Variants in CD37 observed in about 807,000 individuals in gnomAD.
The protein encoded by CD37 is leukocyte antigen CD37.
CD37 carries 37 observed loss-of-function variants against 38.9 expected under a neutral mutation model. That is an observed-to-expected ratio of 0.95 (90% CI 0.73 to 1.25). The LOEUF is 1.25. Ranked by LOEUF, CD37 falls within the 50% of genes most tolerant of loss-of-function variation. The probability of loss-of-function intolerance (pLI) is 0.00; values close to 1 mark genes in which losing one functional copy is unlikely to be tolerated. For missense variants in CD37, 351 were observed against 360.1 expected, an observed-to-expected ratio of 0.97 and a Z score of 0.20; for synonymous variants, 146 against 150.1, an observed-to-expected ratio of 0.97 and a Z score of 0.20.
In CD37 at chr19:49,338,141, C is replaced by T; in HGVS notation, c.447+112C>T. 3 of 1,480,644 alleles carry T rather than the reference C, an allele frequency of 2.0e-6. No homozygotes were observed. The highest frequency in any genetic ancestry group is 1.8e-6 in the Non-Finnish European group (2 of 1,115,544). 91.7% of individuals were successfully genotyped at this position (1,480,644 alleles called of 1,614,324 possible). ...CCCCAGCTCTACGATCCTAACACACCCCAATCCCTCCCAGGCCCGACGCTC... is the reference window on the plus strand; with the variant it reads ...CCCCAGCTCTACGATCCTAACACACTCCAATCCCTCCCAGGCCCGACGCTC... On this transcript the variant is annotated intron_variant, in intron 5 of 7. Coordinates refer to ENST00000323906, the MANE Select transcript of CD37 (RefSeq NM_001774.3). The surrounding 1 kb of genome is among the most constrained non-coding windows in gnomAD (Gnocchi z 5.0).
In CD37 at chr19:49,335,548, C is replaced by T. The variant is rs1033444393; in HGVS notation, c.8C>T (p.Ala3Val). Reference sequence around the variant, plus strand: ...TTACCCCACTAGGTGAAGATGTCAGCCCAGGAGAGCTGCCTCAGCCTCATC... The same window carrying T: ...TTACCCCACTAGGTGAAGATGTCAGTCCAGGAGAGCTGCCTCAGCCTCATC... MSAQESCLSLIKY... is the reference protein window; with the variant it reads MSVQESCLSLIKY... The change falls in exon 1 of 8, where the codon GCC becomes GTC. Residue 3 changes from alanine to valine, a missense_variant. Coordinates refer to ENST00000323906, the MANE Select transcript of CD37 (RefSeq NM_001774.3). The surrounding 1 kb of genome is among the most constrained non-coding windows in gnomAD (Gnocchi z 4.6). The T allele has an allele frequency of 6.8e-6, 11 of 1,613,614 alleles. No homozygotes were observed. The highest frequency in any genetic ancestry group is 9.3e-6 in the Non-Finnish European group (11 of 1,179,570).
chr19:49,335,713 G>C lies in CD37; in HGVS notation c.70-1G>C, dbSNP rs1393121341. On this transcript the variant is annotated splice_acceptor_variant, in intron 1 of 7. Transcript: ENST00000323906. LOFTEE classifies it high-confidence loss of function. This position sits in a 1 kb window ranked among gnomAD's most constrained non-coding sequence, Gnocchi z 4.6. The stretch of plus-strand genomic sequence containing the variant: ...CCCGTATCCGCATCTCCTCTCCCCA[G>C]GTCCTCGGCAGCCTGATCTTCTGCT... The C allele has an allele frequency of 6.2e-7, 1 of 1,613,914 alleles. No homozygotes were observed. The highest frequency in any genetic ancestry group is 2.2e-5 in the East Asian group (1 of 44,878).
In CD37 at chr19:49,338,823, A is replaced by C; in HGVS notation, c.571A>C (p.Thr191Pro). Reference sequence around the variant, plus strand: ...CAACTTGTCGGCGACCAACGACTCCACAATCCTAGATAAGGTGATCTTGCC... The same window carrying C: ...CAACTTGTCGGCGACCAACGACTCCCCAATCCTAGATAAGGTGATCTTGCC... ...CYNLSATNDSTILDKVILPQL... is the reference protein window; with the variant it reads ...CYNLSATNDSPILDKVILPQL... Residue 191 changes from threonine (T) to proline (P), a missense_variant, in exon 6 of 8, where the codon ACA (threonine) becomes CCA (proline). Physicochemically the swap from Thr to Pro is conservative, Grantham distance 38. Coordinates refer to ENST00000323906, the MANE Select transcript of CD37 (RefSeq NM_001774.3). This position sits in a 1 kb window ranked among gnomAD's most constrained non-coding sequence, Gnocchi z 5.0. 6.2e-7 allele frequency: 1 copy of C among 1,614,050 alleles called. No homozygotes were observed. Among genetic ancestry groups the C allele is most frequent in the Non-Finnish European group, 8.5e-7 (1 of 1,180,022 alleles).
At position 49,338,603 on chromosome 19, in the gene CD37, G is replaced by A. The variant is rs1971048354; in HGVS notation, c.448-97G>A. On this transcript the variant is annotated intron_variant, in intron 5 of 7. Transcript: ENST00000323906. The surrounding 1 kb of genome is among the most constrained non-coding windows in gnomAD (Gnocchi z 5.0). ...CTCCACACCCACCACTTAGTCCCCT[G>A]CTCCCCGACCTGACCTCATACCCAT... is the stretch of plus-strand genomic sequence containing the variant. 2.3e-6 allele frequency: 2 copies of A among 870,320 alleles called. No individual in the cohort carries two copies. Among genetic ancestry groups the A allele is most frequent in the East Asian group, 4.9e-5 (2 of 40,990 alleles). The allele number at this position is 870,320 out of a possible 1,614,324, so 53.9% of individuals were successfully genotyped here. A position where few individuals can be genotyped will look rare whatever the true frequency, so the allele number is the denominator to read the frequency against.
chr19:49,339,382 T>C lies in CD37; in HGVS notation c.737T>C (p.Val246Ala). 2 of 1,614,014 alleles carry C rather than the reference T, an allele frequency of 1.2e-6. No individual in the cohort carries two copies. Among genetic ancestry groups the C allele is most frequent in the East Asian group, 2.2e-5 (1 of 44,868 alleles). ...KWLHNNLISI[V>A]GICLGVGLLE... ...CTGCACAACAACCTTATTTCCATAG[T>C]GGGCATTTGCCTGGGCGTCGGCCTA... The change falls in exon 7 of 8, where the codon GTG becomes GCG. Residue 246 changes from valine (V) to alanine (A), a missense_variant. Val to Ala is a moderately conservative substitution (Grantham distance 64). Coordinates refer to ENST00000323906, the MANE Select transcript of CD37 (RefSeq NM_001774.3). This position sits in a 1 kb window ranked among gnomAD's most constrained non-coding sequence, Gnocchi z 4.5.
chr19:49,337,968 A>G lies in CD37; in HGVS notation c.386A>G (p.Lys129Arg), dbSNP rs1182650717. The G allele has an allele frequency of 1.2e-6, 2 of 1,613,976 alleles. No homozygotes were observed. Among genetic ancestry groups the G allele is most frequent in the Non-Finnish European group, 1.7e-6 (2 of 1,179,998 alleles). The change falls in exon 5 of 8, where the codon AAG (lysine) becomes AGG (arginine). Residue 129 changes from lysine (K) to arginine (R), a missense_variant. Coordinates refer to ENST00000323906, the MANE Select transcript of CD37 (RefSeq NM_001774.3). ...LRDVVEKTIQ[K>R]YGTNPEETAA... ...GACGTCGTAGAGAAAACCATCCAAAAGTACGGCACCAACCCCGAGGAGACC... is the reference window on the plus strand; with the variant it reads ...GACGTCGTAGAGAAAACCATCCAAAGGTACGGCACCAACCCCGAGGAGACC...
chr19:49,340,331 C>T lies in CD37; in HGVS notation c.*3C>T, dbSNP rs1971182055. 6.2e-7 allele frequency: 1 copy of T among 1,606,442 alleles called. No individual in the cohort carries two copies. The highest frequency in any genetic ancestry group is 8.5e-7 in the Non-Finnish European group (1 of 1,173,556). ...ACCGGCTCGCTCGATACCGTTAGGC[C>T]CCGCCCTCCCCAAAGTCCCGCCCCG... On this transcript the variant is annotated 3_prime_UTR_variant, in exon 8 of 8. Transcript: ENST00000323906.
rs1971092049 is a variant in CD37 at position 49,339,217 on chromosome 19, C to T, written c.685-113C>T. The T allele has an allele frequency of 2.1e-6, 2 of 940,220 alleles. No individual in the cohort carries two copies. Among genetic ancestry groups the T allele is most frequent in the Non-Finnish European group, 3.3e-6 (2 of 598,384 alleles). The allele number at this position is 940,220 out of a possible 1,614,324, so 58.2% of individuals were successfully genotyped here. ...TAAGGAGACTAGAGTGCCCTGGTGA[C>T]TAGGGGAGCGGGTAGATGCCTGAAG... On this transcript the variant is annotated intron_variant, in intron 6 of 7. Coordinates refer to ENST00000323906, the MANE Select transcript of CD37 (RefSeq NM_001774.3). This position sits in a 1 kb window ranked among gnomAD's most constrained non-coding sequence, Gnocchi z 4.5.
chr19:49,338,038 C>T lies in CD37; in HGVS notation c.447+9C>T. 6.2e-7 allele frequency: 1 copy of T among 1,613,316 alleles called. No individual in the cohort carries two copies. Among genetic ancestry groups the T allele is most frequent in the Non-Finnish European group, 8.5e-7 (1 of 1,179,688 alleles). On this transcript the variant is annotated intron_variant, in intron 5 of 7. Transcript: ENST00000323906. The surrounding 1 kb of genome is among the most constrained non-coding windows in gnomAD (Gnocchi z 5.0). The stretch of plus-strand genomic sequence containing the variant: ...ACTATGTGCAGTTCCAGGTAAGCCC[C>T]CCTCCTCCAGTTCCCTCCCGGACTG...
rs1040580045 is a variant in CD37 at position 49,339,555 on chromosome 19, G to A, written c.768+142G>A. 3.4e-6 allele frequency: 5 copies of A among 1,463,668 alleles called. No individual in the cohort carries two copies. Among genetic ancestry groups the A allele is most frequent in the Non-Finnish European group, 3.6e-6 (4 of 1,100,792 alleles). The allele number at this position is 1,463,668 out of a possible 1,614,324, so 90.7% of individuals were successfully genotyped here. A position where few individuals can be genotyped will look rare whatever the true frequency, so the allele number is the denominator to read the frequency against. ...CCCGGCCCTCCCGCCGCTCCACCCAGCACCGGAGGGTGGGGGCGGCCCAGC... is the reference window on the plus strand; with the variant it reads ...CCCGGCCCTCCCGCCGCTCCACCCAACACCGGAGGGTGGGGGCGGCCCAGC... On this transcript the variant is annotated intron_variant, in intron 7 of 7. Coordinates refer to ENST00000323906, the MANE Select transcript of CD37 (RefSeq NM_001774.3). The surrounding 1 kb of genome is among the most constrained non-coding windows in gnomAD (Gnocchi z 4.5).
At position 49,338,748 on chromosome 19, in the gene CD37, A is replaced by C. The variant is rs1222367490; in HGVS notation, c.496A>C (p.Ile166Leu). The part of the protein sequence containing the change: ...HYPQDWFQVL[I>L]LRGNGSEAHR... ...CCCGCAGGACTGGTTCCAAGTCCTC[A>C]TCCTGAGAGGTAACGGGTCGGAGGC... The change falls in exon 6 of 8, where the codon ATC becomes CTC. Residue 166 changes from isoleucine to leucine, a missense_variant. Coordinates refer to ENST00000323906, the MANE Select transcript of CD37 (RefSeq NM_001774.3). The surrounding 1 kb of genome is among the most constrained non-coding windows in gnomAD (Gnocchi z 5.0). 1 of 1,613,284 alleles carries C rather than the reference A, an allele frequency of 6.2e-7. No homozygotes were observed. Among genetic ancestry groups the C allele is most frequent in the Non-Finnish European group, 8.5e-7 (1 of 1,180,020 alleles).
At position 49,340,309 on chromosome 19, in the gene CD37, G is replaced by C; in HGVS notation, c.827G>C (p.Arg276Pro). Residue 276 changes from arginine (R) to proline (P), a missense_variant, in exon 8 of 8, where the codon CGG becomes CCG. Coordinates refer to ENST00000323906, the MANE Select transcript of CD37 (RefSeq NM_001774.3). ...LCRNLDHVYN[R>P]LARYR The stretch of plus-strand genomic sequence containing the variant: ...AGAAACCTGGACCACGTCTACAACC[G>C]GCTCGCTCGATACCGTTAGGCCCCG... 2 of 1,613,490 alleles carry C rather than the reference G, an allele frequency of 1.2e-6. No individual in the cohort carries two copies. Among genetic ancestry groups the C allele is most frequent in the Admixed American group, 3.3e-5 (2 of 60,010 alleles).
chr19:49,336,971 A>G lies in CD37; in HGVS notation c.205A>G (p.Met69Val). 1.9e-6 allele frequency: 3 copies of G among 1,614,150 alleles called. No homozygotes were observed. Among genetic ancestry groups the G allele is most frequent in the Non-Finnish European group, 2.5e-6 (3 of 1,179,996 alleles). Residue 69 changes from methionine (M) to valine (V), a missense_variant, in exon 3 of 8, where the codon ATG becomes GTG. Met to Val is a conservative substitution (Grantham distance 21). Transcript: ENST00000323906. Reference sequence around the variant, plus strand: ...CCTGGCCATCTCAGGAATCTTCACCATGGGCATCGCCCTCCTGGGTTGTGT... The same window carrying G: ...CCTGGCCATCTCAGGAATCTTCACCGTGGGCATCGCCCTCCTGGGTTGTGT... ...KVLAISGIFT[M>V]GIALLGCVGA... is the part of the protein sequence containing the mutation.
rs1362930751 is a variant in CD37 at position 49,339,559 on chromosome 19, CGGAGGGTGGGGGCGGCCCAGCTTCAG to C, written c.768+151_768+176del. On this transcript the variant is annotated intron_variant, in intron 7 of 7. Transcript: ENST00000323906. This position sits in a 1 kb window ranked among gnomAD's most constrained non-coding sequence, Gnocchi z 4.5. ...GCCCTCCCGCCGCTCCACCCAGCAC[CGGAGGGTGGGGGCGGCCCAGCTTCAG>C]GGAGCCCTGATTGGGTGTACGCAGG... 11 of 1,466,886 alleles carry C rather than the reference CGGAGGGTGGGGGCGGCCCAGCTTCAG, an allele frequency of 7.5e-6. No homozygotes were observed. The highest frequency in any genetic ancestry group is 2.4e-5 in the Admixed American group (1 of 42,140). The allele number at this position is 1,466,886 out of a possible 1,614,324, so 90.9% of individuals were successfully genotyped here.
chr19:49,340,031 C>G (rs1568552546), intron 7 of CD37: 3 of 1,484,098 alleles, frequency 2.0e-6, no homozygotes, highest in South Asian at 1.3e-5. Flanking sequence ...GACCTTACTC[C>G]TTCTCAGCCT....
In CD37 at chr19:49,335,755, C is replaced by G. The variant is rs763579324; in HGVS notation, c.111C>G (p.Leu37=). 3.2e-5 allele frequency: 52 copies of G among 1,613,188 alleles called. 1 individual carries two copies. The South Asian group carries it at 5.7e-4, about 18-fold the overall frequency. The part of the protein sequence containing the change: ...SLIFCFGIWI[L]IDKTSFVSFV... ...TCTTCTGCTTCGGCATCTGGATCCT[C>G]ATTGACAAGACCAGCTTCGTGTCCT... is the stretch of plus-strand genomic sequence containing the variant. The change falls in exon 2 of 8, where the codon CTC becomes CTG. Residue 37 remains leucine, a synonymous_variant. Coordinates refer to ENST00000323906, the MANE Select transcript of CD37 (RefSeq NM_001774.3). The surrounding 1 kb of genome is among the most constrained non-coding windows in gnomAD (Gnocchi z 4.6).
chr19:49,340,401 T>G lies in CD37; in HGVS notation c.*73T>G. Reference sequence around the variant, plus strand: ...GCACTTCCCTGCTGCCTGTAAATATTTGTTTAATCCCCAGTTCGCCTGGAG... The same window carrying G: ...GCACTTCCCTGCTGCCTGTAAATATGTGTTTAATCCCCAGTTCGCCTGGAG... On this transcript the variant is annotated 3_prime_UTR_variant, in exon 8 of 8. Transcript: ENST00000323906. 9.3e-7 allele frequency: 1 copy of G among 1,071,206 alleles called. No homozygotes were observed. The highest frequency in any genetic ancestry group is 1.4e-6 in the Non-Finnish European group (1 of 693,682). The allele number at this position is 1,071,206 out of a possible 1,614,324, so 66.4% of individuals were successfully genotyped here.
At position 49,335,868 on chromosome 19, in the gene CD37, C is replaced by G; in HGVS notation, c.142+82C>G. On this transcript the variant is annotated intron_variant, in intron 2 of 7. Coordinates refer to ENST00000323906, the MANE Select transcript of CD37 (RefSeq NM_001774.3). This position sits in a 1 kb window ranked among gnomAD's most constrained non-coding sequence, Gnocchi z 4.6. ...GTCTCCCTTGTCTCAGGGAGACCTA[C>G]GGTGCCCTACTCTGCAGGCAGGCTA... The G allele has an allele frequency of 1.8e-6, 2 of 1,132,856 alleles. No homozygotes were observed. The highest frequency in any genetic ancestry group is 2.7e-6 in the Non-Finnish European group (2 of 751,360). 70.2% of individuals were successfully genotyped at this position (1,132,856 alleles called of 1,614,324 possible).
chr19:49,338,229 G>T lies in CD37; in HGVS notation c.447+200G>T. Reference sequence around the variant, plus strand: ...CTGGTCTCCCAGTACCCAGACCCTGGCGTGGCTTCGCCATCTACCTCGAGA... The same window carrying T: ...CTGGTCTCCCAGTACCCAGACCCTGTCGTGGCTTCGCCATCTACCTCGAGA... On this transcript the variant is annotated intron_variant, in intron 5 of 7. Transcript: ENST00000323906. This position sits in a 1 kb window ranked among gnomAD's most constrained non-coding sequence, Gnocchi z 5.0. 1 of 1,422,494 alleles carries T rather than the reference G, an allele frequency of 7.0e-7. No homozygotes were observed. Among genetic ancestry groups the T allele is most frequent in the Non-Finnish European group, 9.2e-7 (1 of 1,091,884 alleles). The allele number at this position is 1,422,494 out of a possible 1,614,324, so 88.1% of individuals were successfully genotyped here. A position where few individuals can be genotyped will look rare whatever the true frequency, so the allele number is the denominator to read the frequency against.
Sources: gnomAD v4.1 joint callset for allele counts on GRCh38, gnomAD v4.1.1 for gene constraint, Gnocchi (gnomAD v3.1) non-coding constraint, MANE v1.5 for transcripts, NCBI Gene and HGNC (gene_info 2026-07-23, HGNC 2026-07-21) for gene names.